Variants in ARRB1 observed in about 807,000 individuals in gnomAD.
ARRB1 encodes beta-arrestin-1.
ARRB1 carries 21 observed loss-of-function variants against 56.8 expected under a neutral mutation model. The ratio of observed to expected loss-of-function variants is 0.37; its 90% confidence interval spans 0.26 to 0.53. The LOEUF is 0.53. ARRB1 is among the 20% of genes least tolerant of loss of function. The pLI is 0.88. For synonymous variants in ARRB1, 210 were observed against 218.6 expected (o/e 0.96, Z 0.35); for missense variants, 424 against 553.7 (o/e 0.77, Z 2.35).
intron 1 of ARRB1, among the ~76,000 whole-genome samples, chr11:75,318,077 G>A (rs999036628): frequency 6.6e-6 from 1 of 151,336 alleles, no homozygotes; most frequent in African/African-American, 2.4e-5. Flanking sequence ...TAAAAAACAG[G>A]TTGCTGGGGC....
At chr11:75,281,911 G>A (rs1394413312) in intron 6 of ARRB1, 51 bp downstream of exon 6, 10 of 1,580,918 alleles carry the variant, frequency 6.3e-6, no homozygotes, top group Non-Finnish European at 8.7e-6. Flanking sequence ...CAGGGACCTG[G>A]GGACATGAGA....
At chr11:75,287,279 T>C (rs1054848598) in intron 3 of ARRB1, 36 bp downstream of exon 3, 2 of 1,539,924 alleles carry the variant, frequency 1.3e-6, no homozygotes, top group African/African-American at 1.4e-5. Flanking sequence ...CAGCCACATC[T>C]TCCCCCAGCC....
intron 1 of ARRB1, among the ~76,000 whole-genome samples, chr11:75,294,311 G>A (rs1946675014): frequency 6.6e-6 from 1 of 151,974 alleles, no homozygotes; most frequent in Non-Finnish European, 1.5e-5. Flanking sequence ...GATCATGCCT[G>A]TAATCCCAGC....
At chr11:75,287,512 TG>T (rs1946509437) in intron 2 of ARRB1, 137 bp from the exon 3 acceptor site, 2 of 812,038 alleles carry the variant, frequency 2.5e-6, no homozygotes, top group Admixed American at 2.9e-5. Context: ...TAAGTGGACT[TG>T]GGCCTTCACC....
intron 1 of ARRB1, among the ~76,000 whole-genome samples, chr11:75,292,625 C>T (rs1946637431): frequency 6.6e-6 from 1 of 152,122 alleles, no homozygotes; most frequent in Non-Finnish European, 1.5e-5. Context: ...CCACCTGCTT[C>T]CAGAAGCCTC....
chr11:75,270,704 G>A (rs1356263952), intron 13 of ARRB1, among the ~76,000 whole-genome samples: 1 of 152,072 alleles, frequency 6.6e-6, no homozygotes, highest in African/African-American at 2.4e-5. Flanking sequence ...GAGTTGGGAG[G>A]ATGGCTTCCA....
intron 1 of ARRB1, among the ~76,000 whole-genome samples, chr11:75,315,764 C>A (rs1248790643): frequency 1.3e-5 from 2 of 152,200 alleles, no homozygotes; most frequent in Admixed American, 1.3e-4. Flanking sequence ...AGGCATCAGA[C>A]CATCCACCAG....
chr11:75,326,792 T>A (rs1395033911), intron 1 of ARRB1, among the ~76,000 whole-genome samples: 9 of 147,234 alleles, frequency 6.1e-5, no homozygotes, highest in Non-Finnish European at 8.9e-5. Context: ...GCTGCAATCA[T>A]GGCTCACTAC....
At chr11:75,324,407 C>A (rs1565140047) in intron 1 of ARRB1, among the ~76,000 whole-genome samples, 1 of 152,182 alleles carries the variant, frequency 6.6e-6, no homozygotes, top group East Asian at 1.9e-4. Context: ...CCTCTGAGTC[C>A]ACAGCAGCCG....
chr11:75,271,528 G>T, intron 13 of ARRB1, 173 bp downstream of exon 13: 1 of 635,592 alleles, frequency 1.6e-6, no homozygotes, highest in Non-Finnish European at 2.6e-6. Flanking sequence ...GGAAGAGCAA[G>T]GTGAGGTTTG....
At chr11:75,272,387 C>T (rs1242886340) in intron 12 of ARRB1, among the ~76,000 whole-genome samples, 1 of 152,222 alleles carries the variant, frequency 6.6e-6, no homozygotes, top group African/African-American at 2.4e-5. Context: ...AGATTTCAGG[C>T]AATGTTTGGG....
intron 1 of ARRB1, among the ~76,000 whole-genome samples, chr11:75,300,469 G>A (rs1946873534): frequency 6.6e-6 from 1 of 152,156 alleles, no homozygotes; most frequent in Non-Finnish European, 1.5e-5. Context: ...CAGCTCCAGA[G>A]ACCACACTTT....
intron 5 of ARRB1, 28 bp downstream of exon 5, chr11:75,283,259 T>C (rs1429318382): frequency 6.4e-7 from 1 of 1,566,252 alleles, no homozygotes; most frequent in Non-Finnish European, 8.7e-7. Context: ...ATTTCTGGAA[T>C]GGGGCCCCAG....
chr11:75,338,157 C>T (rs1490371950), intron 1 of ARRB1, among the ~76,000 whole-genome samples: 1 of 152,054 alleles, frequency 6.6e-6, no homozygotes. Flanking sequence ...CCTGAAGGGC[C>T]TCCAGTGCCA....
At chr11:75,285,529 T>C (rs541379275) in intron 3 of ARRB1, among the ~76,000 whole-genome samples, 7 of 152,324 alleles carry the variant, frequency 4.6e-5, no homozygotes, top group African/African-American at 1.4e-4. Context: ...CAATGTCCTG[T>C]TGGGCAGGCC....
intron 3 of ARRB1, among the ~76,000 whole-genome samples, chr11:75,286,227 A>G (rs1478525463): frequency 7.3e-6 from 1 of 137,050 alleles, no homozygotes; most frequent in African/African-American, 2.7e-5. Flanking sequence ...GGGAAAGGCC[A>G]TACTAGGCCT....
Position 75,261,221 on chromosome 11 carries a change from TATAA to T in ARRB1, c.*4938_*4941del, listed in dbSNP as rs1945784197. On this transcript the variant is annotated 3_prime_UTR_variant, in exon 16 of 16. Coordinates refer to ENST00000420843, the MANE Select transcript of ARRB1 (RefSeq NM_004041.5). Reference sequence around the variant, plus strand: ...GTGTGTGTGTGTGTGTGTGTGTGTGTATAAATGCTTGTGCCTGGGTCTGTGACCC... The same window carrying T: ...GTGTGTGTGTGTGTGTGTGTGTGTGTATGCTTGTGCCTGGGTCTGTGACCC... 1 of 150,516 alleles carries T rather than the reference TATAA, an allele frequency of 6.6e-6. No homozygotes were observed. The highest frequency in any genetic ancestry group is 2.5e-5 in the African/African-American group (1 of 40,544). 9.3% of individuals were successfully genotyped at this position (150,516 alleles called of 1,614,324 possible).
intron 1 of ARRB1, among the ~76,000 whole-genome samples, chr11:75,344,669 C>T (rs994827305): frequency 1.4e-4 from 22 of 152,072 alleles, no homozygotes; most frequent in African/African-American, 2.4e-4. Flanking sequence ...ATCCTGCACA[C>T]GGGAAGGCAG....
At chr11:75,345,586 C>T (rs1046960115) in intron 1 of ARRB1, among the ~76,000 whole-genome samples, 3 of 152,144 alleles carry the variant, frequency 2.0e-5, no homozygotes, top group Admixed American at 1.3e-4. Flanking sequence ...CCTTCAGAAG[C>T]CTCCAGTCTG....
Sources: allele counts gnomAD v4.1 joint callset (sites outside exome capture counted in the v4.1 genomes callset), GRCh38; gene constraint gnomAD v4.1.1; transcripts MANE v1.5; gene names NCBI Gene and HGNC (gene_info 2026-07-23, HGNC 2026-07-21).